The following CD247 variants were observed in gnomAD, a reference collection of about 807,000 sequenced individuals.
CD247 encodes T-cell surface glycoprotein CD3 zeta chain.
In CD247, 13 loss-of-function variants were observed where a neutral mutation model predicts 30.0. That is an observed-to-expected ratio of 0.43 (90% CI 0.28 to 0.69). The LOEUF (loss-of-function observed/expected upper bound fraction) is 0.69, where lower values mean the gene tolerates loss of function less well. Among genes scored for constraint, CD247 ranks in the 30% least tolerant of loss-of-function variants. The pLI is 0.16. For missense variants in CD247, 193 were observed against 212.6 expected (o/e 0.91, Z 0.57); for synonymous variants, 72 against 80.0 (o/e 0.90, Z 0.53).
At chr1:167,478,463 G>A (rs1207612011) in intron 1 of CD247, among the ~76,000 whole-genome samples, 1 of 152,212 alleles carries the variant, frequency 6.6e-6, no homozygotes, top group Non-Finnish European at 1.5e-5. Flanking sequence ...AAAAGAGATT[G>A]GACTTGTGTA....
At chr1:167,473,842 G>A (rs1378230992) in intron 1 of CD247, among the ~76,000 whole-genome samples, 1 of 152,164 alleles carries the variant, frequency 6.6e-6, no homozygotes, top group Non-Finnish European at 1.5e-5. Flanking sequence ...CTGGTCACCA[G>A]CCTCCTTGTC....
At chr1:167,479,173 T>C (rs1002502131) in intron 1 of CD247, among the ~76,000 whole-genome samples, 2 of 152,186 alleles carry the variant, frequency 1.3e-5, no homozygotes, top group African/African-American at 4.8e-5. Context: ...ATCCCAACCA[T>C]GTAAAGAAAG....
chr1:167,482,638 C>T (rs1654019859), intron 1 of CD247, among the ~76,000 whole-genome samples: 1 of 152,212 alleles, frequency 6.6e-6, no homozygotes, highest in African/African-American at 2.4e-5. Flanking sequence ...AAAGCAACAA[C>T]TTCTAGGGAG....
At chr1:167,498,327 A>T (rs1654777653) in intron 1 of CD247, among the ~76,000 whole-genome samples, 1 of 152,224 alleles carries the variant, frequency 6.6e-6, no homozygotes, top group African/African-American at 2.4e-5. Flanking sequence ...TGGAATGCTC[A>T]GGTCCCTCAG....
intron 1 of CD247, among the ~76,000 whole-genome samples, chr1:167,501,215 G>C (rs1194426663): frequency 6.6e-6 from 1 of 151,828 alleles, no homozygotes; most frequent in African/African-American, 2.4e-5. Context: ...ACCACACCTG[G>C]CTAATTTTGT....
At chr1:167,469,651 G>C (rs911678693) in intron 1 of CD247, among the ~76,000 whole-genome samples, 7 of 151,796 alleles carry the variant, frequency 4.6e-5, no homozygotes, top group Non-Finnish European at 8.8e-5. Flanking sequence ...CAATAATTAG[G>C]CCTGAAAGCA....
At chr1:167,471,802 A>C (rs1194025023) in intron 1 of CD247, among the ~76,000 whole-genome samples, 1 of 105,128 alleles carries the variant, frequency 9.5e-6, no homozygotes, top group Admixed American at 8.8e-5. Context: ...TTACAAAGTG[A>C]TTTCTTTTTT....
intron 1 of CD247, among the ~76,000 whole-genome samples, chr1:167,480,259 G>A (rs1459630265): frequency 6.6e-6 from 1 of 152,078 alleles, no homozygotes; most frequent in Non-Finnish European, 1.5e-5. Context: ...CTGAGGTCTT[G>A]GCAGGGCGAT....
intron 1 of CD247, among the ~76,000 whole-genome samples, chr1:167,448,668 T>G (rs1341214337): frequency 2.0e-5 from 3 of 152,208 alleles, no homozygotes; most frequent in Non-Finnish European, 4.4e-5. Context: ...GCTACCAGCC[T>G]GGCCAACAGG....
At chr1:167,510,077 A>G (rs1445402466) in intron 1 of CD247, among the ~76,000 whole-genome samples, 1 of 151,982 alleles carries the variant, frequency 6.6e-6, no homozygotes, top group Non-Finnish European at 1.5e-5. Context: ...CTGCTCACCT[A>G]CTCAGAACCC....
intron 1 of CD247, among the ~76,000 whole-genome samples, chr1:167,496,603 G>A (rs747443037): frequency 3.3e-5 from 5 of 152,322 alleles, no homozygotes; most frequent in South Asian, 2.1e-4. Flanking sequence ...GAACCTAGAC[G>A]ATCTCTGGCT....
At chr1:167,486,125 T>A (rs555035349) in intron 1 of CD247, among the ~76,000 whole-genome samples, 12 of 152,314 alleles carry the variant, frequency 7.9e-5, no homozygotes, top group African/African-American at 2.4e-4. Context: ...ACAGGCATTG[T>A]CAGGCCAAAG....
At chr1:167,511,215 T>G (rs1655373337) in intron 1 of CD247, among the ~76,000 whole-genome samples, 1 of 152,234 alleles carries the variant, frequency 6.6e-6, no homozygotes, top group Non-Finnish European at 1.5e-5. Context: ...GCTGTTCTTT[T>G]AGAGAATCTC....
At position 167,433,026 on chromosome 1, in the gene CD247, G is replaced by A. The variant is rs759213998; in HGVS notation, c.427C>T (p.Gln143Ter). The change falls in exon 7 of 8, where the codon CAG (glutamine) becomes TAG (stop). Residue 143 changes from glutamine (Q) to a stop codon, truncating the protein, a stop_gained and splice_region_variant. Transcript: ENST00000362089. LOFTEE classifies it high-confidence loss of function. ...RRGKGHDGLY[Q>*]GLSTATKDTY... ...GAAGGGACGCCGGCAGCTCCTACCTGGTAAAGGCCATCGTGCCCCTTGCCC... is the reference window on the plus strand; with the variant it reads ...GAAGGGACGCCGGCAGCTCCTACCTAGTAAAGGCCATCGTGCCCCTTGCCC... The A allele has an allele frequency of 7.4e-6, 12 of 1,614,190 alleles. No homozygotes were observed. The South Asian group carries it at 1.2e-4, about 16-fold the overall frequency.
intron 1 of CD247, among the ~76,000 whole-genome samples, chr1:167,503,318 A>T (rs956236267): frequency 1.3e-5 from 2 of 152,146 alleles, no homozygotes; most frequent in African/African-American, 4.8e-5. Context: ...ACCTCCCAGG[A>T]TGCTTTCCTT....
At chr1:167,458,060 C>A (rs1252768796) in intron 1 of CD247, among the ~76,000 whole-genome samples, 2 of 152,198 alleles carry the variant, frequency 1.3e-5, no homozygotes, top group African/African-American at 4.8e-5. Flanking sequence ...AGTGCTATCA[C>A]CTAAAGTGCG....
Position 167,440,766 on chromosome 1 carries a change from C to T in CD247, c.60G>A (p.Glu20=). Residue 20 remains glutamate (E), a splice_region_variant and synonymous_variant, in exon 2 of 8, where the codon GAG becomes GAA. Transcript: ENST00000362089. ...AILQAQLPIT[E]AQSFGLLDPK... The stretch of plus-strand genomic sequence containing the variant: ...GATCCAGCAGGCCAAAGCTCTGTGC[C>T]TCTGTGCCAAGAGATAAAGCTGGTC... The T allele has an allele frequency of 6.2e-7, 1 of 1,609,336 alleles. No homozygotes were observed. Among genetic ancestry groups the T allele is most frequent in the Non-Finnish European group, 8.5e-7 (1 of 1,176,476 alleles).
At chr1:167,432,848 G>A (rs1651337321) in intron 7 of CD247, among the ~76,000 whole-genome samples, 176 bp downstream of exon 7, 1 of 152,250 alleles carries the variant, frequency 6.6e-6, no homozygotes, top group Non-Finnish European at 1.5e-5. Flanking sequence ...AGTCCCAGCT[G>A]TGCTCCAGGG....
chr1:167,454,037 A>G (rs1652505394), intron 1 of CD247, among the ~76,000 whole-genome samples: 2 of 152,224 alleles, frequency 1.3e-5, no homozygotes, highest in East Asian at 1.9e-4. Context: ...CTGCATATAT[A>G]TGTATATATA....
Sources: gnomAD v4.1 joint callset for allele counts (sites outside exome capture counted in the v4.1 genomes callset) on GRCh38, gnomAD v4.1.1 for gene constraint, MANE v1.5 for transcripts, NCBI Gene and HGNC (gene_info 2026-07-23, HGNC 2026-07-21) for gene names.